The following MDGA2 variants were observed in gnomAD, a reference collection of about 807,000 sequenced individuals.
The protein encoded by MDGA2 is MAM domain-containing glycosylphosphatidylinositol anchor protein 2.
A neutral mutation model predicts 117.8 loss-of-function variants in MDGA2; 40 were observed. The observed-to-expected ratio is 0.34, with a 90% CI of 0.26 to 0.44. The LOEUF (loss-of-function observed/expected upper bound fraction) is 0.44, where lower values mean the gene tolerates loss of function less well. Ranked by LOEUF, MDGA2 falls within the 20% of genes least tolerant of loss-of-function variation. The pLI, the probability that MDGA2 is intolerant of heterozygous loss-of-function variation, is 1.00. For synonymous variants in MDGA2, 452 were observed against 439.0 expected, an observed-to-expected ratio of 1.03 and a Z score of -0.37; for missense variants, 1,123 against 1,250.6, an observed-to-expected ratio of 0.90 and a Z score of 1.54.
At chr14:47,110,526 A>G (rs1468260905) in intron 5 of MDGA2, among the ~76,000 whole-genome samples, 1 of 152,178 alleles carries the variant, frequency 6.6e-6, no homozygotes, top group African/African-American at 2.4e-5. Flanking sequence ...TCTGAAAAAG[A>G]TTAGTTTTCT....
At chr14:46,955,424 CA>C (rs1409077143) in intron 9 of MDGA2, among the ~76,000 whole-genome samples, 1 of 151,990 alleles carries the variant, frequency 6.6e-6, no homozygotes, top group Non-Finnish European at 1.5e-5. Flanking sequence ...AAAATATATG[CA>C]AATGCAAAGT....
intron 1 of MDGA2, among the ~76,000 whole-genome samples, chr14:47,473,415 AT>A (rs1594875078): frequency 6.6e-6 from 1 of 152,212 alleles, no homozygotes; most frequent in Admixed American, 6.5e-5. Context: ...CTAAGAGAAT[AT>A]ATTGTACTCT....
At chr14:47,646,079 CAAA>C (rs10533233) in intron 1 of MDGA2, among the ~76,000 whole-genome samples, 3,625 of 107,576 alleles carry the variant, frequency 0.034, 83 homozygotes, top group African/African-American at 0.087. Flanking sequence ...GACTCCGTCT[CAAA>C]AAAAAAAAAA....
chr14:47,191,207 T>C (rs1386415256), intron 3 of MDGA2, among the ~76,000 whole-genome samples: 6 of 151,866 alleles, frequency 4.0e-5, no homozygotes, highest in Admixed American at 3.9e-4. Context: ...CTCATGCATA[T>C]TAGCACTTCA....
At chr14:46,949,828 C>CT (rs1345901213) in intron 9 of MDGA2, among the ~76,000 whole-genome samples, 2 of 151,756 alleles carry the variant, frequency 1.3e-5, no homozygotes, top group Non-Finnish European at 2.9e-5. Flanking sequence ...GTTGAGGTGT[C>CT]TTTTTTATAT....
chr14:47,175,319 T>C (rs909932255), intron 3 of MDGA2, among the ~76,000 whole-genome samples: 4 of 151,808 alleles, frequency 2.6e-5, no homozygotes, highest in African/African-American at 9.7e-5. Context: ...ATCATCCTGA[T>C]ACCAAAGCCG....
intron 1 of MDGA2, among the ~76,000 whole-genome samples, chr14:47,455,020 CTT>C (rs1893319659): frequency 6.6e-6 from 1 of 152,136 alleles, no homozygotes; most frequent in Admixed American, 6.5e-5. Flanking sequence ...CTTCATTCAA[CTT>C]TGTTAAATAG....
In MDGA2 at chr14:47,674,888, T is replaced by C. The variant is rs1898151284; in HGVS notation, c.-92A>G. The C allele has an allele frequency of 1.9e-5, 10 of 539,592 alleles. No individual in the cohort carries two copies. Among genetic ancestry groups the C allele is most frequent in the Non-Finnish European group, 3.2e-5 (10 of 310,764 alleles). The allele number at this position is 539,592 out of a possible 1,614,324, so 33.4% of individuals were successfully genotyped here. ...GCACGCCGCACTCACACCGGGTGCC[T>C]GGGAAAATCGCAGACGCCGGGGAGG... On this transcript the variant is annotated 5_prime_UTR_variant, in exon 1 of 17. Coordinates refer to ENST00000399232, the MANE Select transcript of MDGA2 (RefSeq NM_001113498.3).
rs111473784 is a variant in MDGA2, at chr14:47,072,104, G to C, written c.1196-10526C>G. On this transcript the variant is annotated intron_variant, in intron 6 of 16. Transcript: ENST00000399232. ...AAGTTTGTTGGTTGTTGTTGTTTGG[G>C]GGGGGGGGGGTTTGCAGGTATTATA... is the stretch of plus-strand genomic sequence containing the variant. 9.6e-5 allele frequency among the ~76,000 whole-genome samples: 11 copies of C among 114,878 alleles called. 2 individuals carry two copies. The South Asian group carries it at 2.2e-3, about 23-fold the overall frequency. 75.4% of individuals were successfully genotyped at this position (114,878 alleles called of 152,430 possible).
chr14:47,153,882 A>T (rs1796156865), intron 3 of MDGA2, among the ~76,000 whole-genome samples: 1 of 152,132 alleles, frequency 6.6e-6, no homozygotes. Flanking sequence ...CAGAACTGGA[A>T]AGTGACTTTA....
Position 47,363,812 on chromosome 14 carries a change from G to C in MDGA2, c.281-62262C>G, listed in dbSNP as rs180909376. On this transcript the variant is annotated intron_variant, in intron 1 of 16. Transcript: ENST00000399232. The stretch of plus-strand genomic sequence containing the variant: ...AGAGAAATGAGGAGAGAGAAAGAGA[G>C]AAAGAGAAAGCCAAAATAGATGAGT... Among the ~76,000 whole-genome samples the C allele has an allele frequency of 1.3e-3, 205 of 152,046 alleles. 1 individual carries two copies. Among genetic ancestry groups the C allele is most frequent in the African/African-American group, 4.8e-3 (200 of 41,456 alleles).
chr14:47,441,361 G>A (rs144518654), intron 1 of MDGA2, among the ~76,000 whole-genome samples: 4 of 152,278 alleles, frequency 2.6e-5, no homozygotes, highest in African/African-American at 7.2e-5. Flanking sequence ...ATGAATACCC[G>A]CTGGCTGGAT....
At chr14:47,371,147 T>G (rs1891349676) in intron 1 of MDGA2, among the ~76,000 whole-genome samples, 1 of 151,910 alleles carries the variant, frequency 6.6e-6, no homozygotes, top group African/African-American at 2.4e-5. Flanking sequence ...ACTTTAAAAC[T>G]GCAAGCCAGG....
intron 3 of MDGA2, among the ~76,000 whole-genome samples, chr14:47,173,452 C>T (rs999261231): frequency 5.5e-4 from 84 of 152,264 alleles, no homozygotes; most frequent in African/African-American, 1.8e-3. Flanking sequence ...GCGGATCTCT[C>T]GGCAGAAATT....
chr14:47,483,148 G>T (rs911516935), intron 1 of MDGA2, among the ~76,000 whole-genome samples: 2 of 152,124 alleles, frequency 1.3e-5, no homozygotes, highest in South Asian at 4.2e-4. Flanking sequence ...ATCAGTTGGA[G>T]TATCTTTATT....
intron 1 of MDGA2, among the ~76,000 whole-genome samples, chr14:47,357,427 G>C (rs758650419): frequency 3.3e-5 from 5 of 152,212 alleles, no homozygotes; most frequent in Non-Finnish European, 7.3e-5. Context: ...ACAGTGTAGG[G>C]TTGGACAATC....
In MDGA2 at chr14:47,178,858, G is replaced by T. The variant is rs145887383; in HGVS notation, c.596-34584C>A. Reference sequence around the variant, plus strand: ...TACCTGAGTTTAGAAAGTGAGCACTGTTCCAGGTAGAGGGAACAGTATACT... The same window carrying T: ...TACCTGAGTTTAGAAAGTGAGCACTTTTCCAGGTAGAGGGAACAGTATACT... On this transcript the variant is annotated intron_variant, in intron 3 of 16. Coordinates refer to ENST00000399232, the MANE Select transcript of MDGA2 (RefSeq NM_001113498.3). 2.9e-3 allele frequency among the ~76,000 whole-genome samples: 441 copies of T among 152,214 alleles called. 6 individuals are homozygous for T. Among genetic ancestry groups the T allele is most frequent in the Admixed American group, 0.028 (420 of 15,272 alleles).
Position 47,096,923 on chromosome 14 carries a change from T to C in MDGA2, c.1126A>G (p.Thr376Ala), listed in dbSNP as rs201201485. Reference protein sequence around the residue: ...IPAITSDDAGTYSCIANNNVG... With the variant: ...IPAITSDDAGAYSCIANNNVG... ...TTATTATTGGCAATGCAGCTGTAAGTACCAGCATCATCTGAGGTGATGGCA... is the reference window on the plus strand; with the variant it reads ...TTATTATTGGCAATGCAGCTGTAAGCACCAGCATCATCTGAGGTGATGGCA... Residue 376 changes from threonine (T) to alanine (A), a missense_variant, in exon 6 of 17, where the codon ACT (threonine) becomes GCT (alanine). This residue lies in a region of MDGA2 where 890 missense variants were observed against 1,050.3 expected (regional missense o/e 0.85). Coordinates refer to ENST00000399232, the MANE Select transcript of MDGA2 (RefSeq NM_001113498.3). The C allele has an allele frequency of 1.8e-4, 288 of 1,613,256 alleles. No homozygotes were observed. The highest frequency in any genetic ancestry group is 2.2e-4 in the Non-Finnish European group (262 of 1,179,482).
At chr14:47,279,230 T>C (rs1045199467) in intron 2 of MDGA2, among the ~76,000 whole-genome samples, 2 of 152,178 alleles carry the variant, frequency 1.3e-5, no homozygotes, top group African/African-American at 2.4e-5. Context: ...AGGGTATGCA[T>C]ACTGATAGAG....
Sources: gnomAD v4.1 joint callset for allele counts (sites outside exome capture counted in the v4.1 genomes callset) on GRCh38, gnomAD v4.1.1 for gene constraint, gnomAD v4.1.1 regional missense constraint, MANE v1.5 for transcripts, NCBI Gene and HGNC (gene_info 2026-07-23, HGNC 2026-07-21) for gene names.